ABCC1: variants seen among roughly 807,000 people sequenced by gnomAD.
ABCC1 encodes ATP binding cassette subfamily C member 1 (ABCC1 blood group).
A neutral mutation model predicts 172.9 loss-of-function variants in ABCC1; 83 were observed. The ratio of observed to expected loss-of-function variants is 0.48; its 90% confidence interval spans 0.40 to 0.58. ABCC1 has a LOEUF of 0.58. ABCC1 is among the 20% of genes least tolerant of loss of function. ABCC1 has a pLI of 0.00. For synonymous variants in ABCC1, 937 were observed against 825.2 expected, an observed-to-expected ratio of 1.14 and a Z score of -2.32; for missense variants, 1,817 against 2,002.7, an observed-to-expected ratio of 0.91 and a Z score of 1.77.
At chr16:16,128,068 C>T (rs901817909) in intron 26 of ABCC1, among the ~76,000 whole-genome samples, 3 of 150,540 alleles carry the variant, frequency 2.0e-5, no homozygotes, top group Admixed American at 1.3e-4. Context: ...TTACAAGTAC[C>T]CACCACCCCG....
intron 14 of ABCC1, among the ~76,000 whole-genome samples, chr16:16,072,424 A>G (rs929616187): frequency 1.3e-5 from 2 of 151,210 alleles, no homozygotes; most frequent in South Asian, 2.1e-4. Context: ...AGCTCAAGCA[A>G]TCCACCTGCC....
chr16:15,989,606 T>G (rs1451993792), intron 1 of ABCC1, among the ~76,000 whole-genome samples: 1 of 152,144 alleles, frequency 6.6e-6, no homozygotes, highest in East Asian at 1.9e-4. Context: ...AGGAGCACCC[T>G]GTCGTCTTGC....
At chr16:16,046,526 G>A (rs569205525) in intron 9 of ABCC1, among the ~76,000 whole-genome samples, 2 of 152,154 alleles carry the variant, frequency 1.3e-5, no homozygotes, top group East Asian at 3.9e-4. Context: ...TGTATTTTTA[G>A]TAGAGACAGG....
chr16:16,046,875 T>C (rs186206371), intron 9 of ABCC1, among the ~76,000 whole-genome samples: 16 of 152,092 alleles, frequency 1.1e-4, no homozygotes, highest in African/African-American at 3.9e-4. Context: ...CAGGCCTGTC[T>C]GTGAATTAGA....
At chr16:16,009,524 A>G (rs1413280994) in intron 2 of ABCC1, among the ~76,000 whole-genome samples, 2 of 152,150 alleles carry the variant, frequency 1.3e-5, no homozygotes, top group Non-Finnish European at 2.9e-5. Context: ...CATGGTGACC[A>G]GACAAACAGT....
At chr16:16,001,478 G>A (rs2047306979) in intron 1 of ABCC1, among the ~76,000 whole-genome samples, 1 of 152,050 alleles carries the variant, frequency 6.6e-6, no homozygotes, top group Non-Finnish European at 1.5e-5. Flanking sequence ...GGGATTACAA[G>A]CGTGAGCCAC....
intron 3 of ABCC1, 140 bp downstream of exon 3, chr16:16,010,041 T>A: frequency 4.2e-6 from 2 of 480,666 alleles, no homozygotes; most frequent in Non-Finnish European, 6.2e-6. Flanking sequence ...TGTAGCCTTT[T>A]TTTTTTTTTT....
At chr16:16,108,273 C>CTTTTTTT (rs79826916) in intron 21 of ABCC1, among the ~76,000 whole-genome samples, 3 of 106,314 alleles carry the variant, frequency 2.8e-5, no homozygotes, top group Non-Finnish European at 3.8e-5. Context: ...TTCTTTGTGT[C>CTTTTTTT]TTTTTTTTTT....
At chr16:16,061,069 G>A (rs1233757407) in intron 12 of ABCC1, among the ~76,000 whole-genome samples, 4 of 151,846 alleles carry the variant, frequency 2.6e-5, no homozygotes, top group African/African-American at 9.7e-5. Context: ...GAGTACAGGC[G>A]CACGCCACCA....
At chr16:16,003,228 G>C (rs112227324) in intron 1 of ABCC1, among the ~76,000 whole-genome samples, 27 of 141,356 alleles carry the variant, frequency 1.9e-4, no homozygotes, top group East Asian at 1.1e-3. Context: ...TGGGTAGGTG[G>C]ATGGATGAAT....
At chr16:16,089,002 C>T (rs1029574459) in intron 18 of ABCC1, among the ~76,000 whole-genome samples, 4 of 152,236 alleles carry the variant, frequency 2.6e-5, no homozygotes, top group Admixed American at 6.5e-5. Context: ...AGCCACCGCA[C>T]GTGTCCTGTT....
intron 22 of ABCC1, among the ~76,000 whole-genome samples, chr16:16,113,509 G>T (rs968368868): frequency 3.3e-5 from 5 of 152,052 alleles, no homozygotes; most frequent in African/African-American, 2.4e-5. Context: ...ACAAAAATTC[G>T]CTGGGCGTGG....
chr16:16,123,400 C>T (rs2045253941), intron 24 of ABCC1, among the ~76,000 whole-genome samples: 1 of 152,010 alleles, frequency 6.6e-6, no homozygotes, highest in South Asian at 2.1e-4. Context: ...TTTGGGATGC[C>T]AAAGTGGGTG....
intron 29 of ABCC1, among the ~76,000 whole-genome samples, chr16:16,137,699 C>T (rs1467576451): frequency 6.6e-6 from 1 of 151,448 alleles, no homozygotes; most frequent in African/African-American, 2.4e-5. Flanking sequence ...ATGACAGGTG[C>T]CTGTCACCAT....
At chr16:16,105,816 G>A (rs1344385534) in intron 20 of ABCC1, among the ~76,000 whole-genome samples, 1 of 148,974 alleles carries the variant, frequency 6.7e-6, no homozygotes, top group Non-Finnish European at 1.5e-5. Flanking sequence ...TGTGGGCGAC[G>A]CAATCTGTGA....
At chr16:16,064,542 T>C (rs1479535385) in intron 12 of ABCC1, among the ~76,000 whole-genome samples, 1 of 152,218 alleles carries the variant, frequency 6.6e-6, no homozygotes, top group East Asian at 1.9e-4. Context: ...TCTCTGTGTG[T>C]GCCCTGTGCT....
intron 1 of ABCC1, among the ~76,000 whole-genome samples, chr16:15,972,498 GC>G (rs1234235122): frequency 6.6e-6 from 1 of 152,092 alleles, no homozygotes; most frequent in Non-Finnish European, 1.5e-5. Context: ...GGCTGCTACA[GC>G]CCTAGGCAAT....
At chr16:16,008,768 A>G (rs1239677490) in intron 2 of ABCC1, among the ~76,000 whole-genome samples, 2 of 148,782 alleles carry the variant, frequency 1.3e-5, no homozygotes, top group African/African-American at 5.0e-5. Context: ...CCTTGAACCC[A>G]GGAGGCAGAG....
intron 13 of ABCC1, among the ~76,000 whole-genome samples, chr16:16,069,294 A>G (rs1161749953): frequency 1.3e-5 from 2 of 152,012 alleles, no homozygotes; most frequent in African/African-American, 4.8e-5. Context: ...GGATCAGCTG[A>G]GCTTGGGAAG....
Sources: gnomAD v4.1 joint callset for allele counts (sites outside exome capture counted in the v4.1 genomes callset) on GRCh38, gnomAD v4.1.1 for gene constraint, MANE v1.5 for transcripts, NCBI Gene and HGNC (gene_info 2026-07-23, HGNC 2026-07-21) for gene names.